DET1: variants seen among roughly 807,000 people sequenced by gnomAD.
The protein encoded by DET1 is DET1 partner of COP1 E3 ubiquitin ligase, also known as DET1 homolog.
A neutral mutation model predicts 43.7 loss-of-function variants in DET1; 22 were observed. The ratio of observed to expected loss-of-function variants is 0.50; its 90% CI spans 0.36 to 0.72. The LOEUF (loss-of-function observed/expected upper bound fraction) is 0.72. Ranked by LOEUF, DET1 falls within the 30% of genes least tolerant of loss-of-function variation. The pLI is 0.00. For missense variants in DET1, 713 were observed against 713.3 expected (o/e 1.00, Z 0.00); for synonymous variants, 315 against 266.2 (o/e 1.18, Z -1.79).
At chr15:88,542,315 G>C (rs2057130487) in intron 1 of DET1, among the ~76,000 whole-genome samples, 1 of 152,146 alleles carries the variant, frequency 6.6e-6, no homozygotes, top group South Asian at 2.1e-4. Flanking sequence ...TCCTCAGGTG[G>C]AAGGAGAGCC....
chr15:88,520,056 C>T (rs1006412938), intron 3 of DET1, among the ~76,000 whole-genome samples: 4 of 152,184 alleles, frequency 2.6e-5, no homozygotes, highest in African/African-American at 9.7e-5. Flanking sequence ...ACTTTCTGCG[C>T]TCCCATGCAA....
chr15:88,527,808 G>C (rs374184962), intron 2 of DET1, 22 bp from the exon 3 acceptor site: 2 of 1,550,804 alleles, frequency 1.3e-6, no homozygotes, highest in Non-Finnish European at 1.7e-6. Flanking sequence ...AAGAGAGAGA[G>C]GTATGGGACA....
At chr15:88,545,530 A>ACTT (rs2142356537) in intron 1 of DET1, among the ~76,000 whole-genome samples, 1 of 152,322 alleles carries the variant, frequency 6.6e-6, no homozygotes, top group East Asian at 1.9e-4. Flanking sequence ...CTGGCTAACT[A>ACTT]CTTTAATCAC....
intron 3 of DET1, among the ~76,000 whole-genome samples, chr15:88,523,512 G>A (rs1022847195): frequency 2.0e-5 from 3 of 151,870 alleles, no homozygotes; most frequent in East Asian, 2.0e-4. Context: ...CTGTACTGCC[G>A]CCATCTCGGC....
At chr15:88,537,238 C>T (rs370442338) in intron 1 of DET1, among the ~76,000 whole-genome samples, 2 of 152,234 alleles carry the variant, frequency 1.3e-5, no homozygotes, top group African/African-American at 2.4e-5. Flanking sequence ...TTTTGTAAAA[C>T]GTTTATTTCA....
At position 88,531,620 on chromosome 15, in the gene DET1, G is replaced by A. The variant is rs1175712423; in HGVS notation, c.86C>T (p.Ser29Leu). The change falls in exon 2 of 5, where the codon TCA (serine) becomes TTA (leucine). Residue 29 changes from serine to leucine, a missense_variant. Physicochemically the swap from Ser to Leu is moderately radical, Grantham distance 145 (BLOSUM62 -2). Coordinates refer to ENST00000268148, the MANE Select transcript of DET1 (RefSeq NM_001144074.3). This position sits in a 1 kb window ranked among gnomAD's most constrained non-coding sequence, Gnocchi z 6.2. The stretch of plus-strand genomic sequence containing the variant: ...GTGCCAGTGGGTACCTGCCTTGCCT[G>A]AACTGATCCGCCGGCGTTCCAAGCG... ...IHRLERRRIS[S>L]GKAGTHWHQV... 1 of 1,614,030 alleles carries A rather than the reference G, an allele frequency of 6.2e-7. No homozygotes were observed. Among genetic ancestry groups the A allele is most frequent in the Non-Finnish European group, 8.5e-7 (1 of 1,179,888 alleles).
intron 4 of DET1, among the ~76,000 whole-genome samples, chr15:88,515,557 A>AT (rs2056322139): frequency 6.7e-6 from 1 of 149,052 alleles, no homozygotes; most frequent in African/African-American, 2.5e-5. Flanking sequence ...AAAAAAAAAA[A>AT]AAAAAAAAAA....
intron 1 of DET1, among the ~76,000 whole-genome samples, chr15:88,538,674 T>C (rs1008408121): frequency 6.6e-6 from 1 of 152,042 alleles, no homozygotes; most frequent in Non-Finnish European, 1.5e-5. Flanking sequence ...TTAATGCCAC[T>C]GGGTGAGAGT....
At chr15:88,542,755 C>T (rs189064146) in intron 1 of DET1, among the ~76,000 whole-genome samples, 100 of 152,234 alleles carry the variant, frequency 6.6e-4, no homozygotes, top group African/African-American at 2.3e-3. Flanking sequence ...AAGGAAAGGC[C>T]CCCATTCCAG....
At chr15:88,525,919 AC>A (rs1289852415) in intron 3 of DET1, among the ~76,000 whole-genome samples, 1 of 147,776 alleles carries the variant, frequency 6.8e-6, no homozygotes, top group Non-Finnish European at 1.5e-5. Flanking sequence ...CAAGCAATCC[AC>A]CTGGCTTGGA....
At position 88,516,439 on chromosome 15, in the gene DET1, G is replaced by A. The variant is rs2056347415; in HGVS notation, c.1463+343C>T. On this transcript the variant is annotated intron_variant, in intron 4 of 4. Coordinates refer to ENST00000268148, the MANE Select transcript of DET1 (RefSeq NM_001144074.3). The surrounding 1 kb of genome is among the most constrained non-coding windows in gnomAD (Gnocchi z 4.4). ...GTAACATGGCGGGATAAAATAATTT[G>A]TGTTAGATACATAATTATAAAGTCT... is the stretch of plus-strand genomic sequence containing the variant. Among the ~76,000 whole-genome samples the A allele has an allele frequency of 6.6e-6, 1 of 152,170 alleles. No homozygotes were observed. Among genetic ancestry groups the A allele is most frequent in the Non-Finnish European group, 1.5e-5 (1 of 68,022 alleles).
intron 1 of DET1, among the ~76,000 whole-genome samples, chr15:88,534,605 G>C (rs1363746814): frequency 6.6e-6 from 1 of 152,204 alleles, no homozygotes; most frequent in Non-Finnish European, 1.5e-5. Context: ...GAACTCCCAA[G>C]CTGCACACGT....
At chr15:88,521,454 C>T (rs1399303769) in intron 3 of DET1, among the ~76,000 whole-genome samples, 1 of 152,216 alleles carries the variant, frequency 6.6e-6, no homozygotes, top group African/African-American at 2.4e-5. Flanking sequence ...AATGGTCTGA[C>T]AGGTGGACAG....
rs373645184 is a variant in DET1, at chr15:88,531,199, T to C, written c.507A>G (p.Pro169=). The C allele has an allele frequency of 1.7e-5, 27 of 1,613,536 alleles. No homozygotes were observed. Among genetic ancestry groups the C allele is most frequent in the Middle Eastern group, 1.6e-4 (1 of 6,082 alleles). ...CACTGTTCCGATATACCTCAAAAAA[T>C]GGAGGGTGAGGCTCATCTGGGAGGT... ...AAYLPDEPHP[P]FFEVYRNSES... Residue 169 remains proline, a synonymous_variant, in exon 2 of 5, where the codon CCA becomes CCG. Coordinates refer to ENST00000268148, the MANE Select transcript of DET1 (RefSeq NM_001144074.3). This position sits in a 1 kb window ranked among gnomAD's most constrained non-coding sequence, Gnocchi z 6.2.
chr15:88,541,745 G>A (rs952173499), intron 1 of DET1, among the ~76,000 whole-genome samples: 1 of 152,108 alleles, frequency 6.6e-6, no homozygotes. Flanking sequence ...CTCCTCCATG[G>A]CTCCGTTCAT....
At chr15:88,510,767 T>G (rs912704727), downstream of DET1, among the ~76,000 whole-genome samples, 35 of 147,150 alleles carry the variant, frequency 2.4e-4, no homozygotes, top group African/African-American at 5.9e-4. Context: ...TTGTTTTTTT[T>G]TTTGTTTTTT....
Position 88,527,679 on chromosome 15 carries a change from A to G in DET1, c.1191T>C (p.Phe397=), listed in dbSNP as rs764082194. The G allele has an allele frequency of 3.7e-6, 6 of 1,613,444 alleles. No homozygotes were observed. Among genetic ancestry groups the G allele is most frequent in the South Asian group, 1.1e-5 (1 of 90,986 alleles). The change falls in exon 3 of 5, where the codon TTT becomes TTC. Residue 397 remains phenylalanine (F), a synonymous_variant. Coordinates refer to ENST00000268148, the MANE Select transcript of DET1 (RefSeq NM_001144074.3). ...CTTCACTGTGCAGGGTAGCATTACGAAAAAGGTCACAGAAGTTCTCAAAGA... is the reference window on the plus strand; with the variant it reads ...CTTCACTGTGCAGGGTAGCATTACGGAAAAGGTCACAGAAGTTCTCAAAGA... The part of the protein sequence containing the change: ...LELFENFCDL[F]RNATLHSEVQ...
intron 1 of DET1, among the ~76,000 whole-genome samples, chr15:88,538,657 C>T (rs189940505): frequency 1.2e-3 from 187 of 152,248 alleles, no homozygotes; most frequent in African/African-American, 4.3e-3. Context: ...GAGGCCCCAG[C>T]GAGAAATTAA....
intron 1 of DET1, among the ~76,000 whole-genome samples, chr15:88,533,844 C>A (rs1241222530): frequency 2.4e-5 from 2 of 82,452 alleles, no homozygotes; most frequent in African/African-American, 1.1e-4. Context: ...AGAGCAAGAC[C>A]CAATCTCTAA....
Sources: allele counts gnomAD v4.1 joint callset (sites outside exome capture counted in the v4.1 genomes callset), GRCh38; gene constraint gnomAD v4.1.1; non-coding constraint Gnocchi (gnomAD v3.1); transcripts MANE v1.5; gene names NCBI Gene and HGNC (gene_info 2026-07-23, HGNC 2026-07-21).